Variants in SOX5 observed in about 807,000 individuals in gnomAD.
SOX5 encodes transcription factor SOX-5.
In SOX5, 9 loss-of-function variants were observed where a neutral mutation model predicts 92.0. The observed-to-expected ratio is 0.10, with a 90% CI of 0.06 to 0.17. The LOEUF is 0.17. Among genes scored for constraint, SOX5 ranks in the 10% least tolerant of loss-of-function variants. The probability of loss-of-function intolerance (pLI) is 1.00; values close to 1 mark genes in which losing one functional copy is unlikely to be tolerated. For synonymous variants in SOX5, 344 were observed against 336.3 expected (o/e 1.02, Z -0.25); for missense variants, 642 against 944.5 (o/e 0.68, Z 4.20).
chr12:24,452,006 T>C (rs10743499), intron 1 of SOX5, among the ~76,000 whole-genome samples: 149,282 of 152,324 alleles, frequency 0.98, 73,207 homozygotes, highest in East Asian at 1. Flanking sequence ...ACACTGAATG[T>C]TTTGGGCAGA....
rs568758908 is a variant in SOX5, at chr12:24,357,069, T to C, written c.-174+11494A>G. On this transcript the variant is annotated intron_variant, in intron 2 of 4. Coordinates refer to the SOX5 transcript ENST00000446891. Reference sequence around the variant, plus strand: ...CATGGCAAATAAAGTCAGACTTCTATAGAGCAAACTTTGAATGTCTTACAA... The same window carrying C: ...CATGGCAAATAAAGTCAGACTTCTACAGAGCAAACTTTGAATGTCTTACAA... Among the ~76,000 whole-genome samples the C allele has an allele frequency of 5.3e-5, 8 of 152,326 alleles. 1 individual carries two copies. The highest frequency in any genetic ancestry group is 3.9e-4 in the Admixed American group (6 of 15,310).
At chr12:24,257,563 G>A (rs1565768219) in intron 3 of SOX5, among the ~76,000 whole-genome samples, 1 of 152,016 alleles carries the variant, frequency 6.6e-6, no homozygotes, top group African/African-American at 2.4e-5. Context: ...CTGCCTACCA[G>A]GTTCAAGCAA....
chr12:23,689,512 T>C (rs185205331), intron 6 of SOX5, among the ~76,000 whole-genome samples: 389 of 152,314 alleles, frequency 2.6e-3, no homozygotes, highest in African/African-American at 7.7e-3. Flanking sequence ...ACTTAAGTCA[T>C]TGTTAATTCT....
chr12:24,506,926 G>A (rs1280083153), intron 1 of SOX5, among the ~76,000 whole-genome samples: 1 of 150,908 alleles, frequency 6.6e-6, no homozygotes, highest in Non-Finnish European at 1.5e-5. Context: ...AAGTAGCTGG[G>A]ACTACAGGCG....
intron 6 of SOX5, among the ~76,000 whole-genome samples, chr12:23,723,581 T>TATATATATATATAC (rs1491240128): frequency 4.6e-5 from 6 of 131,846 alleles, no homozygotes; most frequent in African/African-American, 1.0e-4. Context: ...TATATATATA[T>TATATATATATATAC]ACACACACAC....
intron 1 of SOX5, among the ~76,000 whole-genome samples, chr12:23,937,808 A>G (rs1322749346): frequency 6.6e-6 from 1 of 150,980 alleles, no homozygotes; most frequent in Non-Finnish European, 1.5e-5. Context: ...GCTGAAGAAA[A>G]TCATTGGTTA....
intron 2 of SOX5, among the ~76,000 whole-genome samples, chr12:24,366,633 C>T (rs1337554964): frequency 6.6e-6 from 1 of 152,036 alleles, no homozygotes; most frequent in Non-Finnish European, 1.5e-5. Context: ...ACATTCATAC[C>T]ATCCTATTCC....
At chr12:23,887,903 G>A (rs1472620073) in intron 2 of SOX5, among the ~76,000 whole-genome samples, 1 of 142,892 alleles carries the variant, frequency 7.0e-6, no homozygotes. Context: ...GATGGTAATT[G>A]GTCCAGTGTG....
intron 8 of SOX5, among the ~76,000 whole-genome samples, chr12:23,631,848 T>C (rs1381532588): frequency 6.6e-6 from 1 of 152,078 alleles, no homozygotes; most frequent in East Asian, 1.9e-4. Context: ...AGAAATAGTA[T>C]GAAAAAGACA....
intron 4 of SOX5, among the ~76,000 whole-genome samples, chr12:24,189,637 C>T (rs913713672): frequency 1.3e-5 from 2 of 152,042 alleles, no homozygotes; most frequent in Non-Finnish European, 2.9e-5. Context: ...ATAGCAAGGC[C>T]CACAATTCCA....
chr12:24,443,781 C>T (rs1941036216), intron 1 of SOX5, among the ~76,000 whole-genome samples: 2 of 152,174 alleles, frequency 1.3e-5, no homozygotes, highest in South Asian at 4.1e-4. Flanking sequence ...ACTTGAGTTT[C>T]CTCTGCAGGA....
intron 1 of SOX5, among the ~76,000 whole-genome samples, chr12:24,388,783 T>C (rs1200581348): frequency 2.0e-5 from 3 of 152,036 alleles, no homozygotes; most frequent in Non-Finnish European, 1.5e-5. Flanking sequence ...CAACTTTGCA[T>C]CCCCAGGTAG....
chr12:24,376,198 C>T (rs1167865772), intron 1 of SOX5, among the ~76,000 whole-genome samples: 2 of 152,226 alleles, frequency 1.3e-5, no homozygotes, highest in Admixed American at 1.3e-4. Context: ...GCTCCTTTTA[C>T]AAATTCCAAG....
At chr12:23,981,347 A>G (rs1307959149) in intron 4 of SOX5, among the ~76,000 whole-genome samples, 1 of 152,348 alleles carries the variant, frequency 6.6e-6, no homozygotes, top group Non-Finnish European at 1.5e-5. Context: ...AATGAAAAAT[A>G]AGAAAATGAA....
At chr12:23,962,208 G>A (rs1310051158) in intron 4 of SOX5, among the ~76,000 whole-genome samples, 1 of 140,318 alleles carries the variant, frequency 7.1e-6, no homozygotes, top group Non-Finnish European at 1.5e-5. Flanking sequence ...ACACCACAAA[G>A]AGTTAAACAA....
chr12:24,047,674 A>G (rs1957187216), intron 4 of SOX5, among the ~76,000 whole-genome samples: 1 of 152,188 alleles, frequency 6.6e-6, no homozygotes, highest in African/African-American at 2.4e-5. Flanking sequence ...TCTTTATGCA[A>G]ATACCTCGGC....
At chr12:24,147,987 A>G (rs1178373687) in intron 4 of SOX5, among the ~76,000 whole-genome samples, 2 of 152,194 alleles carry the variant, frequency 1.3e-5, no homozygotes, top group African/African-American at 4.8e-5. Context: ...CATTCCATAG[A>G]TTATGAACAA....
intron 4 of SOX5, among the ~76,000 whole-genome samples, chr12:23,998,972 T>A (rs1951317253): frequency 6.6e-6 from 1 of 151,632 alleles, no homozygotes; most frequent in Non-Finnish European, 1.5e-5. Context: ...AATCATCAAG[T>A]TATTAAAAGC....
chr12:23,844,636 C>T (rs909255608), intron 3 of SOX5, among the ~76,000 whole-genome samples: 1 of 152,102 alleles, frequency 6.6e-6, no homozygotes, highest in Admixed American at 6.6e-5. Flanking sequence ...TTAAGTTTAG[C>T]ATATTTCACA....
Sources: gnomAD v4.1 joint callset for allele counts (sites outside exome capture counted in the v4.1 genomes callset) on GRCh38, gnomAD v4.1.1 for gene constraint, MANE v1.5 for transcripts, NCBI Gene and HGNC (gene_info 2026-07-23, HGNC 2026-07-21) for gene names.